Variants in PCMTD1 observed in about 807,000 individuals in gnomAD.
PCMTD1 encodes the protein protein-L-isoaspartate (D-aspartate) O-methyltransferase domain containing 1.
In PCMTD1, 12 loss-of-function variants were observed where a neutral mutation model predicts 37.6. That is an observed-to-expected ratio of 0.32 (90% CI 0.20 to 0.52). The LOEUF is 0.52. Ranked by LOEUF, PCMTD1 falls within the 20% of genes least tolerant of loss-of-function variation. The pLI, the probability that PCMTD1 is intolerant of heterozygous loss-of-function variation, is 0.97. For synonymous variants in PCMTD1, 117 were observed against 135.8 expected, an observed-to-expected ratio of 0.86 and a Z score of 0.96; for missense variants, 235 against 421.3, an observed-to-expected ratio of 0.56 and a Z score of 3.87.
At chr8:51,883,555 T>C (rs958440999) in intron 1 of PCMTD1, among the ~76,000 whole-genome samples, 4 of 152,214 alleles carry the variant, frequency 2.6e-5, no homozygotes, top group African/African-American at 9.7e-5. Context: ...GTAAACAGTT[T>C]TATAAATATT....
intron 1 of PCMTD1, among the ~76,000 whole-genome samples, chr8:51,895,318 G>C (rs1257604896): frequency 3.3e-5 from 5 of 152,146 alleles, no homozygotes; most frequent in Admixed American, 3.3e-4. Flanking sequence ...TATAACTTTA[G>C]ATTATAAACT....
At chr8:51,883,717 T>G (rs1197080158) in intron 1 of PCMTD1, among the ~76,000 whole-genome samples, 1 of 152,120 alleles carries the variant, frequency 6.6e-6, no homozygotes, top group Non-Finnish European at 1.5e-5. Flanking sequence ...TACAAGAGCT[T>G]TTTTTTGGCA....
At chr8:51,883,739 T>C (rs911075995) in intron 1 of PCMTD1, among the ~76,000 whole-genome samples, 6 of 152,206 alleles carry the variant, frequency 3.9e-5, no homozygotes, top group Admixed American at 2.0e-4. Flanking sequence ...CTGAATTCTC[T>C]GCAGTTGAAT....
rs1269400900 is a variant in PCMTD1 at position 51,825,416 on chromosome 8, C to T, written c.707-4698G>A. 1.4e-4 allele frequency among the ~76,000 whole-genome samples: 4 copies of T among 28,364 alleles called. 1 individual carries two copies. The highest frequency in any genetic ancestry group is 1.6e-4 in the African/African-American group (4 of 25,056). 18.6% of individuals were successfully genotyped at this position (28,364 alleles called of 152,430 possible). ...CTTCTCAAAATAAGATATTTATGGCCGGGCGCGGTGGCTCACGCCTGTAAT... is the reference window on the plus strand; with the variant it reads ...CTTCTCAAAATAAGATATTTATGGCTGGGCGCGGTGGCTCACGCCTGTAAT... On this transcript the variant is annotated intron_variant, in intron 5 of 5. Transcript: ENST00000522514.
In PCMTD1 at chr8:51,878,088, A is replaced by G. The variant is rs977348842; in HGVS notation, c.-95-16842T>C. Among the ~76,000 whole-genome samples the G allele has an allele frequency of 1.8e-4, 27 of 152,168 alleles. 1 individual carries two copies. The highest frequency in any genetic ancestry group is 7.4e-5 in the Non-Finnish European group (5 of 68,024). ...TACAAGCTTGAAATTCTATCAAAAT[A>G]AAAAGATACATAAATGTAAGCCATT... On this transcript the variant is annotated intron_variant, in intron 1 of 5. Transcript: ENST00000522514.
intron 1 of PCMTD1, among the ~76,000 whole-genome samples, chr8:51,882,667 G>C (rs1005798039): frequency 6.6e-6 from 1 of 151,966 alleles, no homozygotes; most frequent in South Asian, 2.1e-4. Flanking sequence ...AGTTATTTAA[G>C]ATCATGAAAA....
chr8:51,855,612 G>C (rs1212163491), intron 2 of PCMTD1, among the ~76,000 whole-genome samples: 1 of 151,734 alleles, frequency 6.6e-6, no homozygotes, highest in Non-Finnish European at 1.5e-5. Context: ...GGTTCTGTTT[G>C]ATGCATAAAA....
intron 5 of PCMTD1, 43 bp downstream of exon 5, chr8:51,831,401 C>T (rs777655059): frequency 6.3e-7 from 1 of 1,593,062 alleles, no homozygotes; most frequent in Non-Finnish European, 8.6e-7. Flanking sequence ...AAGCCAAACA[C>T]CATAAGTCAT....
chr8:51,895,391 C>T (rs1400223715), intron 1 of PCMTD1, among the ~76,000 whole-genome samples: 4 of 152,174 alleles, frequency 2.6e-5, no homozygotes, highest in Non-Finnish European at 4.4e-5. Flanking sequence ...CTGCAAGTTA[C>T]TGAAGAGTGC....
intron 5 of PCMTD1, among the ~76,000 whole-genome samples, chr8:51,828,584 A>AC (rs2037955160): frequency 6.6e-6 from 1 of 152,154 alleles, no homozygotes; most frequent in South Asian, 2.1e-4. Flanking sequence ...CACTTTTGCA[A>AC]CCAAAGTAAG....
At chr8:51,830,975 C>T (rs1478609112) in intron 5 of PCMTD1, among the ~76,000 whole-genome samples, 1 of 143,074 alleles carries the variant, frequency 7.0e-6, no homozygotes, top group Non-Finnish European at 1.5e-5. Flanking sequence ...GTGTCTGGTA[C>T]AAGGTGAGGG....
chr8:51,884,839 C>T (rs2038842555), intron 1 of PCMTD1, among the ~76,000 whole-genome samples: 1 of 152,190 alleles, frequency 6.6e-6, no homozygotes, highest in Non-Finnish European at 1.5e-5. Context: ...ATCCAATAAG[C>T]CATTGAGGTA....
chr8:51,856,406 G>A (rs1266461011), intron 2 of PCMTD1, among the ~76,000 whole-genome samples: 1 of 152,164 alleles, frequency 6.6e-6, no homozygotes, highest in Non-Finnish European at 1.5e-5. Context: ...ATATAATGTT[G>A]GTGGGAATGG....
At chr8:51,884,799 T>C (rs2038841938) in intron 1 of PCMTD1, among the ~76,000 whole-genome samples, 1 of 152,188 alleles carries the variant, frequency 6.6e-6, no homozygotes, top group Non-Finnish European at 1.5e-5. Flanking sequence ...AGAGGATAGA[T>C]TTCTGGCAAA....
intron 1 of PCMTD1, among the ~76,000 whole-genome samples, chr8:51,890,250 GT>G (rs2038918965): frequency 6.6e-6 from 1 of 152,060 alleles, no homozygotes; most frequent in South Asian, 2.1e-4. Flanking sequence ...ATTAAAAACG[GT>G]TTAGATGTAT....
intron 2 of PCMTD1, among the ~76,000 whole-genome samples, chr8:51,854,720 T>C (rs2038357650): frequency 6.6e-6 from 1 of 151,748 alleles, no homozygotes; most frequent in African/African-American, 2.4e-5. Flanking sequence ...CTACTAAAAA[T>C]ACAAAAATTA....
At chr8:51,895,531 C>A (rs1360924569) in intron 1 of PCMTD1, among the ~76,000 whole-genome samples, 2 of 152,118 alleles carry the variant, frequency 1.3e-5, no homozygotes, top group Admixed American at 1.3e-4. Context: ...TCTGGCTACC[C>A]GTGCATAATG....
rs761591552 is a variant in PCMTD1, at chr8:51,833,695, T to C, written c.411-6A>G. 6.3e-6 allele frequency: 10 copies of C among 1,598,476 alleles called. No homozygotes were observed. The highest frequency in any genetic ancestry group is 2.2e-5 in the East Asian group (1 of 44,500). On this transcript the variant is annotated splice_region_variant and splice_polypyrimidine_tract_variant and intron_variant, in intron 3 of 5. Coordinates refer to ENST00000522514, the MANE Select transcript of PCMTD1 (RefSeq NM_052937.4). ...CAGGTTCACAGAACTCAAATCTGCA[T>C]TGAAAAACAAACATTTTAATTCAAT... is the stretch of plus-strand genomic sequence containing the variant.
intron 1 of PCMTD1, among the ~76,000 whole-genome samples, chr8:51,879,963 G>A (rs1330599251): frequency 6.6e-6 from 1 of 151,916 alleles, no homozygotes; most frequent in African/African-American, 2.4e-5. Context: ...CTGGAGGATT[G>A]CTTGAGGCCA....
Sources: gnomAD v4.1 joint callset for allele counts (sites outside exome capture counted in the v4.1 genomes callset) on GRCh38, gnomAD v4.1.1 for gene constraint, MANE v1.5 for transcripts, NCBI Gene and HGNC (gene_info 2026-07-23, HGNC 2026-07-21) for gene names.